ABCC11: variants seen among roughly 807,000 people sequenced by gnomAD.
ABCC11 encodes the protein ATP binding cassette subfamily C member 11, also known as ATP-binding cassette sub-family C member 11.
ABCC11 carries 135 observed loss-of-function variants against 149.3 expected under a neutral mutation model. That is an observed-to-expected ratio of 0.90 (90% CI 0.79 to 1.04). The LOEUF (loss-of-function observed/expected upper bound fraction) is 1.04. Among genes scored for constraint, ABCC11 ranks in the 50% least tolerant of loss-of-function variants. The pLI is 0.00. For missense variants in ABCC11, 1,680 were observed against 1,722.1 expected (o/e 0.98, Z 0.43); for synonymous variants, 665 against 671.4 (o/e 0.99, Z 0.15).
Position 48,178,587 on chromosome 16 carries a change from T to G in ABCC11, c.3348+10A>C. ...TGGCTCCCCACACCAGACCCAGACCTGAACCCCACCTTCATGTACTGCAGT... is the reference window on the plus strand; with the variant it reads ...TGGCTCCCCACACCAGACCCAGACCGGAACCCCACCTTCATGTACTGCAGT... On this transcript the variant is annotated intron_variant, in intron 24 of 29. Coordinates refer to ENST00000356608, the MANE Select transcript of ABCC11 (RefSeq NM_001370497.1). 1 of 1,613,948 alleles carries G rather than the reference T, an allele frequency of 6.2e-7. No homozygotes were observed. The highest frequency in any genetic ancestry group is 8.5e-7 in the Non-Finnish European group (1 of 1,179,874).
intron 1 of ABCC11, among the ~76,000 whole-genome samples, chr16:48,240,415 A>G (rs1970906893): frequency 6.6e-6 from 1 of 152,210 alleles, no homozygotes. Flanking sequence ...TCAGCAAACT[A>G]ACACAGGATC....
chr16:48,216,120 T>C lies in ABCC11; in HGVS notation c.945A>G (p.Pro315=), dbSNP rs11860868. The C allele has an allele frequency of 0.01, 16,186 of 1,613,694 alleles. 1,378 individuals are homozygous for C. In the African/African-American group the frequency reaches 0.19, roughly 19 times the overall value. ...TGACAGAGAAAGACATTACCGCCAG[T>C]GGGAAAACCAGGAGATAGCATAAGA... ...IAILCYLLVF[P]LAVFMTRMAV... Residue 315 remains proline, a synonymous_variant, in exon 7 of 30, where the codon CCA becomes CCG. Coordinates refer to ENST00000356608, the MANE Select transcript of ABCC11 (RefSeq NM_001370497.1).
rs1360934922 is a variant in ABCC11, at chr16:48,211,021, T to C, written c.1535A>G (p.Asp512Gly). The part of the protein sequence containing the change: ...HASEGMTRPR[D>G]ALGPEEEGNS... ...CCCTTCTTCCTCTGGCCCGAGGGCA[T>C]CTCTAGGCCTGGTCATCCCCTCAGA... The change falls in exon 11 of 30, where the codon GAT becomes GGT. Residue 512 changes from aspartate to glycine, a missense_variant. By Grantham distance (94) the Asp-to-Gly change is moderately conservative (BLOSUM62 -1). Coordinates refer to ENST00000356608, the MANE Select transcript of ABCC11 (RefSeq NM_001370497.1). 6.2e-7 allele frequency: 1 copy of C among 1,614,090 alleles called. No individual in the cohort carries two copies. Among genetic ancestry groups the C allele is most frequent in the African/African-American group, 1.3e-5 (1 of 74,924 alleles).
chr16:48,182,363 G>A (rs961340854), intron 23 of ABCC11, among the ~76,000 whole-genome samples: 10 of 152,116 alleles, frequency 6.6e-5, no homozygotes, highest in Non-Finnish European at 1.5e-4. Context: ...GCCTGGGAGT[G>A]CAATAACAGC....
rs564396501 is a variant in ABCC11 at position 48,229,559 on chromosome 16, G to A, written c.236+878C>T. On this transcript the variant is annotated intron_variant, in intron 3 of 29. Coordinates refer to ENST00000356608, the MANE Select transcript of ABCC11 (RefSeq NM_001370497.1). ...GGCTCACTGCAAGCTCCGCTTCCCGGGTTCACACCATTCTCCTGCCTCAGC... is the reference window on the plus strand; with the variant it reads ...GGCTCACTGCAAGCTCCGCTTCCCGAGTTCACACCATTCTCCTGCCTCAGC... Among the ~76,000 whole-genome samples the A allele has an allele frequency of 2.3e-3, 339 of 144,656 alleles. 8 individuals carry two copies. Among genetic ancestry groups the A allele is most frequent in the Admixed American group, 3.5e-3 (52 of 14,648 alleles). 94.9% of individuals were successfully genotyped at this position (144,656 alleles called of 152,430 possible). A position where few individuals can be genotyped will look rare whatever the true frequency, so the allele number is the denominator to read the frequency against.
intron 17 of ABCC11, among the ~76,000 whole-genome samples, chr16:48,196,713 A>C (rs145673550): frequency 6.6e-6 from 1 of 152,248 alleles, no homozygotes; most frequent in Admixed American, 6.5e-5. Context: ...CGGAAAGCCG[A>C]GAAGTTTGCT....
intron 1 of ABCC11, among the ~76,000 whole-genome samples, chr16:48,234,186 T>G (rs1466792020): frequency 1.3e-5 from 2 of 152,230 alleles, no homozygotes; most frequent in African/African-American, 4.8e-5. Context: ...CTCCACTGAA[T>G]GCAGAGCTGG....
chr16:48,203,615 C>A (rs946358851), intron 13 of ABCC11, among the ~76,000 whole-genome samples: 1 of 152,178 alleles, frequency 6.6e-6, no homozygotes, highest in Non-Finnish European at 1.5e-5. Flanking sequence ...TGCCTGTAAT[C>A]CCAGCACTTT....
intron 5 of ABCC11, 99 bp downstream of exon 5, chr16:48,224,183 C>T: frequency 7.1e-7 from 1 of 1,416,036 alleles, no homozygotes. Flanking sequence ...AAGACAAATG[C>T]ATCTCTAACT....
intron 5 of ABCC11, among the ~76,000 whole-genome samples, 172 bp from the exon 6 acceptor site, chr16:48,223,003 G>T (rs527891404): frequency 1.3e-4 from 20 of 152,336 alleles, no homozygotes; most frequent in Non-Finnish European, 2.4e-4. Flanking sequence ...AGTTGGAGGA[G>T]ACTTAGGAGT....
chr16:48,241,354 A>G (rs1335689235), intron 1 of ABCC11, among the ~76,000 whole-genome samples: 1 of 152,216 alleles, frequency 6.6e-6, no homozygotes, highest in East Asian at 1.9e-4. Flanking sequence ...GATATCCTTC[A>G]AAAGTATCAA....
At chr16:48,183,888 C>T (rs1966598515) in intron 23 of ABCC11, among the ~76,000 whole-genome samples, 1 of 152,212 alleles carries the variant, frequency 6.6e-6, no homozygotes, top group African/African-American at 2.4e-5. Context: ...AGTCAAACCC[C>T]CCGGCTAAGG....
intron 20 of ABCC11, among the ~76,000 whole-genome samples, chr16:48,188,589 G>A (rs1201320470): frequency 1.6e-4 from 24 of 152,182 alleles, no homozygotes; most frequent in Admixed American, 1.6e-3. Flanking sequence ...CAAACCACAA[G>A]GTAGGCTCTA....
chr16:48,200,543 G>C, intron 14 of ABCC11, 64 bp from the exon 15 acceptor site: 1 of 1,532,800 alleles, frequency 6.5e-7, no homozygotes, highest in Non-Finnish European at 8.9e-7. Flanking sequence ...TGCTCAAATG[G>C]GTAGGCAGAT....
chr16:48,230,384 G>T, intron 3 of ABCC11, 53 bp downstream of exon 3: 1 of 1,493,510 alleles, frequency 6.7e-7, no homozygotes, highest in Non-Finnish European at 8.9e-7. Flanking sequence ...GAGGGTTGGG[G>T]ATCATTGCCC....
rs1968356973 is a variant in ABCC11, at chr16:48,205,492, A to G, written c.1726T>C (p.Tyr576His). Residue 576 changes from tyrosine (Y) to histidine (H), a missense_variant, in exon 13 of 30, where the codon TAT becomes CAT. Coordinates refer to ENST00000356608, the MANE Select transcript of ABCC11 (RefSeq NM_001370497.1). Reference protein sequence around the residue: ...GSVGVQGSLAYVPQQAWIVSG... With the variant: ...GSVGVQGSLAHVPQQAWIVSG... ...ACGATCCAGGCCTGCTGGGGGACAT[A>G]GGCCAGGCTTCCCTGCACCCCCACC... 6.2e-7 allele frequency: 1 copy of G among 1,614,004 alleles called. No homozygotes were observed. The highest frequency in any genetic ancestry group is 8.5e-7 in the Non-Finnish European group (1 of 1,180,020).
intron 28 of ABCC11, 33 bp downstream of exon 28, chr16:48,170,072 C>A: frequency 6.3e-7 from 1 of 1,583,952 alleles, no homozygotes; most frequent in Non-Finnish European, 8.7e-7. Context: ...TAGTCTGTGG[C>A]TTCCCCTGGC....
At chr16:48,206,982 C>T (rs1328563014) in intron 12 of ABCC11, among the ~76,000 whole-genome samples, 2 of 151,978 alleles carry the variant, frequency 1.3e-5, no homozygotes, top group Admixed American at 6.6e-5. Context: ...TTTGCAGTTG[C>T]AAAGAAACCG....
intron 1 of ABCC11, chr16:48,244,751 T>C (rs7187166): frequency 0.099 from 55,380 of 560,732 alleles, 3,488 homozygotes; most frequent in African/African-American, 0.24. Context: ...TCCGCCTCTC[T>C]GGTGCTATCA....
Sources: allele counts gnomAD v4.1 joint callset (sites outside exome capture counted in the v4.1 genomes callset), GRCh38; gene constraint gnomAD v4.1.1; transcripts MANE v1.5; gene names NCBI Gene and HGNC (gene_info 2026-07-23, HGNC 2026-07-21).